The following MSGN1 variants were observed in gnomAD, a reference collection of about 807,000 sequenced individuals.
MSGN1 encodes the protein mesogenin-1.
Under a neutral mutation model 10.1 loss-of-function variants are expected in MSGN1, and 3 were observed. The observed-to-expected ratio is 0.30, with a 90% CI of 0.13 to 0.76. The LOEUF is 0.76. Ranked by LOEUF, MSGN1 falls within the 30% of genes least tolerant of loss-of-function variation. The probability of loss-of-function intolerance (pLI) is 0.67; values close to 1 mark genes in which losing one functional copy is unlikely to be tolerated. For synonymous variants in MSGN1, 110 were observed against 103.8 expected, an observed-to-expected ratio of 1.06 and a Z score of -0.37; for missense variants, 244 against 244.5, an observed-to-expected ratio of 1.00 and a Z score of 0.01.
rs1673569713 is a variant in MSGN1, at chr2:17,816,558, G to T, written c.40G>T (p.Gly14Cys). Residue 14 changes from glycine to cysteine, a missense_variant, in exon 1 of 1, where the codon GGC becomes TGC. Gly to Cys is a radical substitution (Grantham distance 159). Transcript: ENST00000281047. ...LRETFLSLED[G>C]LGSSDSPGLL... ...CGAGACTTTCCTCAGCCTCGAGGAT[G>T]GCTTGGGCTCCTCTGACAGCCCTGG... 1 of 1,607,892 alleles carries T rather than the reference G, an allele frequency of 6.2e-7. No homozygotes were observed. Among genetic ancestry groups the T allele is most frequent in the Admixed American group, 1.7e-5 (1 of 59,530 alleles).
Position 17,816,608 on chromosome 2 carries a change from G to A in MSGN1, c.90G>A (p.Lys30=). ...GCCTGCTGTCTTCCTGGGACTGGAA[G>A]GACAGGGCAGGGCCCTTTGAGCTGA... ...SPGLLSSWDW[K]DRAGPFELNQ... is the part of the protein sequence containing the mutation. The change falls in exon 1 of 1, where the codon AAG becomes AAA. Residue 30 remains lysine, a synonymous_variant. Transcript: ENST00000281047. 6.2e-7 allele frequency: 1 copy of A among 1,614,252 alleles called. No homozygotes were observed. The highest frequency in any genetic ancestry group is 8.5e-7 in the Non-Finnish European group (1 of 1,180,036).
rs1315637725 is a variant in MSGN1, at chr2:17,817,567, G to A, written c.*467G>A. Among the ~76,000 whole-genome samples the A allele has an allele frequency of 6.6e-6, 1 of 152,168 alleles. No individual in the cohort carries two copies. The highest frequency in any genetic ancestry group is 1.5e-5 in the Non-Finnish European group (1 of 68,018). The stretch of plus-strand genomic sequence containing the variant: ...TTAGAAAGATTTGTGCCAAGTAAAG[G>A]GCTTTAGTGCTCCTGTTTTCATTTC... On this transcript the variant is annotated 3_prime_UTR_variant, in exon 1 of 1. Coordinates refer to ENST00000281047, the MANE Select transcript of MSGN1 (RefSeq NM_001105569.3).
chr2:17,816,841 G>T lies in MSGN1; in HGVS notation c.323G>T (p.Gly108Val), dbSNP rs777014634. ...LAFQPTHLQG[G>V]GGPKAQKGTK... ...TTCCAGCCCACCCACCTTCAGGGCG[G>T]TGGTGGCCCCAAGGCCCAGAAGGGC... The change falls in exon 1 of 1, where the codon GGT becomes GTT. Residue 108 changes from glycine (G) to valine (V), a missense_variant. By Grantham distance (109) the Gly-to-Val change is moderately radical (BLOSUM62 -3). Coordinates refer to ENST00000281047, the MANE Select transcript of MSGN1 (RefSeq NM_001105569.3). 3.1e-6 allele frequency: 5 copies of T among 1,614,120 alleles called. No homozygotes were observed. The African/African-American group carries it at 4.0e-5, about 13-fold the overall frequency.
At position 17,816,600 on chromosome 2, in the gene MSGN1, G is replaced by T. The variant is rs759963890; in HGVS notation, c.82G>T (p.Asp28Tyr). 44 of 1,614,090 alleles carry T rather than the reference G, an allele frequency of 2.7e-5. No individual in the cohort carries two copies. Among genetic ancestry groups the T allele is most frequent in the Non-Finnish European group, 3.4e-5 (40 of 1,180,030 alleles). Residue 28 changes from aspartate to tyrosine, a missense_variant, in exon 1 of 1, where the codon GAC becomes TAC. By Grantham distance (160) the Asp-to-Tyr change is radical (BLOSUM62 -3). Transcript: ENST00000281047. The stretch of plus-strand genomic sequence containing the variant: ...CAGCCCTGGCCTGCTGTCTTCCTGG[G>T]ACTGGAAGGACAGGGCAGGGCCCTT... Reference protein sequence around the residue: ...SDSPGLLSSWDWKDRAGPFEL... With the variant: ...SDSPGLLSSWYWKDRAGPFEL...
chr2:17,816,759 G>A lies in MSGN1; in HGVS notation c.241G>A (p.Gly81Ser), dbSNP rs553482765. ...HGGASSGGSE[G>S]CSVGGASGLV... ...CGGGGCCAGCAGTGGGGGCAGCGAA[G>A]GCTGCAGTGTCGGTGGGGCCAGTGG... Residue 81 changes from glycine to serine, a missense_variant, in exon 1 of 1, where the codon GGC (glycine) becomes AGC (serine). Transcript: ENST00000281047. The A allele has an allele frequency of 1.9e-6, 3 of 1,614,004 alleles. No homozygotes were observed. Among genetic ancestry groups the A allele is most frequent in the East Asian group, 4.5e-5 (2 of 44,892 alleles).
rs1454453719 is a variant in MSGN1 at position 17,817,316 on chromosome 2, C to A, written c.*216C>A. On this transcript the variant is annotated 3_prime_UTR_variant, in exon 1 of 1. Transcript: ENST00000281047. ...GCCAGATGAGCAGAGACTTTCACCT[C>A]CAGTTTTTTCCACCCATCTGGGAGG... 6.6e-6 allele frequency among the ~76,000 whole-genome samples: 1 copy of A among 152,238 alleles called. No individual in the cohort carries two copies. The highest frequency in any genetic ancestry group is 1.9e-4 in the East Asian group (1 of 5,200).
In MSGN1 at chr2:17,817,224, T is replaced by C; in HGVS notation, c.*124T>C. ...GATTTTTATGTAGTAAGCCTGATAA[T>C]CTTGTGATCTGAAAAACCCTAAGGG... On this transcript the variant is annotated 3_prime_UTR_variant, in exon 1 of 1. Transcript: ENST00000281047. The C allele has an allele frequency of 2.4e-6, 2 of 836,164 alleles. No homozygotes were observed. Among genetic ancestry groups the C allele is most frequent in the Non-Finnish European group, 3.7e-6 (2 of 537,550 alleles). 51.8% of individuals were successfully genotyped at this position (836,164 alleles called of 1,614,324 possible). A position where few individuals can be genotyped will look rare whatever the true frequency, so the allele number is the denominator to read the frequency against.
At position 17,816,641 on chromosome 2, in the gene MSGN1, C is replaced by G; in HGVS notation, c.123C>G (p.Ala41=). 4 of 1,614,280 alleles carry G rather than the reference C, an allele frequency of 2.5e-6. No homozygotes were observed. Among genetic ancestry groups the G allele is most frequent in the Non-Finnish European group, 3.4e-6 (4 of 1,180,050 alleles). The change falls in exon 1 of 1, where the codon GCC becomes GCG. Residue 41 remains alanine, a synonymous_variant. Coordinates refer to ENST00000281047, the MANE Select transcript of MSGN1 (RefSeq NM_001105569.3). The part of the protein sequence containing the change: ...DRAGPFELNQ[A]SPSQSLSPAP... ...CAGGGCCCTTTGAGCTGAATCAGGC[C>G]TCCCCCTCTCAGAGCCTTTCCCCGG...
chr2:17,816,952 A>G lies in MSGN1; in HGVS notation c.434A>G (p.His145Arg), dbSNP rs748483131. Residue 145 changes from histidine (H) to arginine (R), a missense_variant, in exon 1 of 1, where the codon CAC becomes CGC. By Grantham distance (29) the His-to-Arg change is conservative. Transcript: ENST00000281047. ...ATGAGGACCTTGGCAGATGCCCTGC[A>G]CACCCTCCGGAATTACCTGCCACCT... is the stretch of plus-strand genomic sequence containing the variant. ...LRMRTLADAL[H>R]TLRNYLPPVY... 2.5e-6 allele frequency: 4 copies of G among 1,614,106 alleles called. No individual in the cohort carries two copies. The African/African-American group carries it at 5.3e-5, about 22-fold the overall frequency.
At position 17,816,573 on chromosome 2, in the gene MSGN1, G is replaced by A; in HGVS notation, c.55G>A (p.Asp19Asn). The A allele has an allele frequency of 6.2e-7, 1 of 1,611,842 alleles. No homozygotes were observed. The highest frequency in any genetic ancestry group is 1.3e-5 in the African/African-American group (1 of 75,004). ...LSLEDGLGSS[D>N]SPGLLSSWDW... ...CCTCGAGGATGGCTTGGGCTCCTCTGACAGCCCTGGCCTGCTGTCTTCCTG... is the reference window on the plus strand; with the variant it reads ...CCTCGAGGATGGCTTGGGCTCCTCTAACAGCCCTGGCCTGCTGTCTTCCTG... The change falls in exon 1 of 1, where the codon GAC (aspartate) becomes AAC (asparagine). Residue 19 changes from aspartate (D) to asparagine (N), a missense_variant. Coordinates refer to ENST00000281047, the MANE Select transcript of MSGN1 (RefSeq NM_001105569.3).
rs753262043 is a variant in MSGN1, at chr2:17,816,627, G to A, written c.109G>A (p.Glu37Lys). 11 of 1,614,246 alleles carry A rather than the reference G, an allele frequency of 6.8e-6. No individual in the cohort carries two copies. Among genetic ancestry groups the A allele is most frequent in the Non-Finnish European group, 9.3e-6 (11 of 1,180,048 alleles). The change falls in exon 1 of 1, where the codon GAG becomes AAG. Residue 37 changes from glutamate (E) to lysine (K), a missense_variant. Physicochemically the swap from Glu to Lys is moderately conservative, Grantham distance 56. Coordinates refer to ENST00000281047, the MANE Select transcript of MSGN1 (RefSeq NM_001105569.3). Reference sequence around the variant, plus strand: ...CTGGAAGGACAGGGCAGGGCCCTTTGAGCTGAATCAGGCCTCCCCCTCTCA... The same window carrying A: ...CTGGAAGGACAGGGCAGGGCCCTTTAAGCTGAATCAGGCCTCCCCCTCTCA... ...WDWKDRAGPF[E>K]LNQASPSQSL...
chr2:17,816,559 G>T lies in MSGN1; in HGVS notation c.41G>T (p.Gly14Val). The T allele has an allele frequency of 6.2e-7, 1 of 1,608,760 alleles. No individual in the cohort carries two copies. Among genetic ancestry groups the T allele is most frequent in the Non-Finnish European group, 8.5e-7 (1 of 1,176,104 alleles). ...LRETFLSLED[G>V]LGSSDSPGLL... The stretch of plus-strand genomic sequence containing the variant: ...GAGACTTTCCTCAGCCTCGAGGATG[G>T]CTTGGGCTCCTCTGACAGCCCTGGC... Residue 14 changes from glycine to valine, a missense_variant, in exon 1 of 1, where the codon GGC (glycine) becomes GTC (valine). Coordinates refer to ENST00000281047, the MANE Select transcript of MSGN1 (RefSeq NM_001105569.3).
rs1673571366 is a variant in MSGN1, at chr2:17,816,601, A to C, written c.83A>C (p.Asp28Ala). The C allele has an allele frequency of 1.2e-6, 2 of 1,614,126 alleles. No homozygotes were observed. The highest frequency in any genetic ancestry group is 4.5e-5 in the East Asian group (2 of 44,866). The change falls in exon 1 of 1, where the codon GAC (aspartate) becomes GCC (alanine). Residue 28 changes from aspartate (D) to alanine (A), a missense_variant. By Grantham distance (126) the Asp-to-Ala change is moderately radical. Transcript: ENST00000281047. ...AGCCCTGGCCTGCTGTCTTCCTGGG[A>C]CTGGAAGGACAGGGCAGGGCCCTTT... is the stretch of plus-strand genomic sequence containing the variant. Reference protein sequence around the residue: ...SDSPGLLSSWDWKDRAGPFEL... With the variant: ...SDSPGLLSSWAWKDRAGPFEL...
Position 17,817,400 on chromosome 2 carries a change from A to C in MSGN1, c.*300A>C, listed in dbSNP as rs1240739431. Among the ~76,000 whole-genome samples the C allele has an allele frequency of 6.6e-6, 1 of 152,200 alleles. No individual in the cohort carries two copies. Among genetic ancestry groups the C allele is most frequent in the Non-Finnish European group, 1.5e-5 (1 of 68,032 alleles). On this transcript the variant is annotated 3_prime_UTR_variant, in exon 1 of 1. Transcript: ENST00000281047. ...CTTCTCTGTCTGTTCAAGGTATTTT[A>C]AAGGGTCAGTGATTTTAAATGCATT...
rs771537325 is a variant in MSGN1, at chr2:17,817,095, G to A, written c.577G>A (p.Ala193Thr). 6.7e-5 allele frequency: 108 copies of A among 1,611,200 alleles called. No individual in the cohort carries two copies. Among genetic ancestry groups the A allele is most frequent in the Admixed American group, 2.3e-4 (14 of 59,924 alleles). ...NRGREPRAQSA is the reference protein window; with the variant it reads ...NRGREPRAQST ...CGGCAGAGAGCCCAGAGCCCAGAGC[G>A]CGTGAGCTCCATCCGGGGAAACTGA... The change falls in exon 1 of 1, where the codon GCG (alanine) becomes ACG (threonine). Residue 193 changes from alanine to threonine, a missense_variant. Ala to Thr is a moderately conservative substitution (Grantham distance 58). Coordinates refer to ENST00000281047, the MANE Select transcript of MSGN1 (RefSeq NM_001105569.3).
rs1673591554 is a variant in MSGN1 at position 17,817,352 on chromosome 2, G to T, written c.*252G>T. 6.6e-6 allele frequency among the ~76,000 whole-genome samples: 1 copy of T among 152,176 alleles called. No individual in the cohort carries two copies. Among genetic ancestry groups the T allele is most frequent in the Non-Finnish European group, 1.5e-5 (1 of 68,034 alleles). On this transcript the variant is annotated 3_prime_UTR_variant, in exon 1 of 1. Transcript: ENST00000281047. ...CACCCATCTGGGAGGCTCATCCTTTGCAAACAGACAGATTATTTTGCCCTT... is the reference window on the plus strand; with the variant it reads ...CACCCATCTGGGAGGCTCATCCTTTTCAAACAGACAGATTATTTTGCCCTT...
chr2:17,816,807 A>G lies in MSGN1; in HGVS notation c.289A>G (p.Met97Val), dbSNP rs751281952. The G allele has an allele frequency of 1.9e-6, 3 of 1,614,032 alleles. No homozygotes were observed. The highest frequency in any genetic ancestry group is 1.7e-6 in the Non-Finnish European group (2 of 1,180,008). ...TGGCCTGGTAGAGGTGGACTACAAT[A>G]TGTTAGCTTTCCAGCCCACCCACCT... Reference protein sequence around the residue: ...ASGLVEVDYNMLAFQPTHLQG... With the variant: ...ASGLVEVDYNVLAFQPTHLQG... The change falls in exon 1 of 1, where the codon ATG becomes GTG. Residue 97 changes from methionine (M) to valine (V), a missense_variant. Met to Val is a conservative substitution (Grantham distance 21). Transcript: ENST00000281047.
Position 17,817,155 on chromosome 2 carries a change from T to C in MSGN1, c.*55T>C. On this transcript the variant is annotated 3_prime_UTR_variant, in exon 1 of 1. Transcript: ENST00000281047. ...GCCTCCTGAGCAGGAGTAGAGGAGTTTTGAAGACCTGGATATCTTATTGAA... is the reference window on the plus strand; with the variant it reads ...GCCTCCTGAGCAGGAGTAGAGGAGTCTTGAAGACCTGGATATCTTATTGAA... The C allele has an allele frequency of 2.1e-6, 3 of 1,398,706 alleles. No individual in the cohort carries two copies. The highest frequency in any genetic ancestry group is 3.0e-6 in the Non-Finnish European group (3 of 1,008,278). The allele number at this position is 1,398,706 out of a possible 1,614,324, so 86.6% of individuals were successfully genotyped here. A position where few individuals can be genotyped will look rare whatever the true frequency, so the allele number is the denominator to read the frequency against.
Position 17,817,004 on chromosome 2 carries a change from C to T in MSGN1, c.486C>T (p.Leu162=), listed in dbSNP as rs1343011697. The change falls in exon 1 of 1, where the codon CTC becomes CTT. Residue 162 remains leucine (L), a synonymous_variant. Coordinates refer to ENST00000281047, the MANE Select transcript of MSGN1 (RefSeq NM_001105569.3). ...TCTACAGCCAGAGAGGCCAGCCTCTCACCAAGATCCAGACACTCAAGTACA... is the reference window on the plus strand; with the variant it reads ...TCTACAGCCAGAGAGGCCAGCCTCTTACCAAGATCCAGACACTCAAGTACA... ...PPVYSQRGQP[L]TKIQTLKYTI... The T allele has an allele frequency of 6.2e-7, 1 of 1,614,226 alleles. No homozygotes were observed. The highest frequency in any genetic ancestry group is 1.7e-5 in the Admixed American group (1 of 60,028).
Sources: gnomAD v4.1 joint callset for allele counts (sites outside exome capture counted in the v4.1 genomes callset) on GRCh38, gnomAD v4.1.1 for gene constraint, MANE v1.5 for transcripts, NCBI Gene and HGNC (gene_info 2026-07-23, HGNC 2026-07-21) for gene names.